MLLT1: variants seen among roughly 807,000 people sequenced by gnomAD.
MLLT1 encodes protein ENL.
MLLT1 carries 11 observed loss-of-function variants against 55.1 expected under a neutral mutation model. That is an observed-to-expected ratio of 0.20 (90% CI 0.13 to 0.33). MLLT1 has a LOEUF of 0.33. Among genes scored for constraint, MLLT1 ranks in the 10% least tolerant of loss-of-function variants. MLLT1 has a pLI of 1.00. For synonymous variants in MLLT1, 323 were observed against 320.1 expected, an observed-to-expected ratio of 1.01 and a Z score of -0.10; for missense variants, 536 against 760.6, an observed-to-expected ratio of 0.70 and a Z score of 3.47.
At chr19:6,236,576 A>AAGCACCCTGCGGCC (rs2091063178) in intron 3 of MLLT1, among the ~76,000 whole-genome samples, 1 of 152,138 alleles carries the variant, frequency 6.6e-6, no homozygotes, top group African/African-American at 2.4e-5. Flanking sequence ...TCACGCCCCG[A>AAGCACCCTGCGGCC]AGCACCCTGC....
rs1268762067 is a variant in MLLT1 at position 6,226,410 on chromosome 19, C to T, written c.546+567G>A. On this transcript the variant is annotated intron_variant, in intron 5 of 11. Transcript: ENST00000252674. This position sits in a 1 kb window ranked among gnomAD's most constrained non-coding sequence, Gnocchi z 6.3. Reference sequence around the variant, plus strand: ...TTAGAGAGAGAAGCCTCAGAAAGGCCGAGTGCCACCCACCTGACCGACTGG... The same window carrying T: ...TTAGAGAGAGAAGCCTCAGAAAGGCTGAGTGCCACCCACCTGACCGACTGG... Among the ~76,000 whole-genome samples the T allele has an allele frequency of 2.0e-5, 3 of 152,154 alleles. No individual in the cohort carries two copies. Among genetic ancestry groups the T allele is most frequent in the African/African-American group, 4.8e-5 (2 of 41,438 alleles).
chr19:6,258,166 C>G (rs1232934880), intron 3 of MLLT1, among the ~76,000 whole-genome samples: 1 of 152,168 alleles, frequency 6.6e-6, no homozygotes, highest in Non-Finnish European at 1.5e-5. Flanking sequence ...AAAACGGGCA[C>G]TCAAACAAGT....
rs753838099 is a variant in MLLT1, at chr19:6,222,325, C to G, written c.906G>C (p.Lys302Asn). The change falls in exon 6 of 12, where the codon AAG (lysine) becomes AAC (asparagine). Residue 302 changes from lysine to asparagine, a missense_variant. Transcript: ENST00000252674. This position sits in a 1 kb window ranked among gnomAD's most constrained non-coding sequence, Gnocchi z 4.1. The stretch of plus-strand genomic sequence containing the variant: ...CACTCCGGGACCCCTTCGAGCTGCT[C>G]TTCTTCTGCTTCTTGGCGCTGGGCT... ...SPKPSAKKQK[K>N]SSSKGSRSAP... The G allele has an allele frequency of 1.9e-6, 3 of 1,563,292 alleles. No homozygotes were observed. The highest frequency in any genetic ancestry group is 1.4e-5 in the African/African-American group (1 of 71,128).
chr19:6,251,958 G>GA (rs2091219014), intron 3 of MLLT1, among the ~76,000 whole-genome samples: 1 of 151,806 alleles, frequency 6.6e-6, no homozygotes, highest in African/African-American at 2.4e-5. Context: ...CCACCACAAA[G>GA]AAAAAAGAAA....
rs1568271948 is a variant in MLLT1, at chr19:6,212,364, C to CAAA, written c.*677_*678insTTT. The CAAA allele has an allele frequency of 1.9e-6, 2 of 1,066,098 alleles. No homozygotes were observed. Among genetic ancestry groups the CAAA allele is most frequent in the African/African-American group, 3.3e-5 (2 of 61,046 alleles). 66.0% of individuals were successfully genotyped at this position (1,066,098 alleles called of 1,614,324 possible). The stretch of plus-strand genomic sequence containing the variant: ...CCGTGCCTGGCTCGGCCTCCAGCCC[C>CAAA]ACACCACCGCAGAGACATCTTAACC... On this transcript the variant is annotated 3_prime_UTR_variant, in exon 12 of 12. Transcript: ENST00000252674.
intron 6 of MLLT1, among the ~76,000 whole-genome samples, chr19:6,218,306 C>T (rs1406316067): frequency 6.6e-6 from 1 of 152,234 alleles, no homozygotes; most frequent in East Asian, 1.9e-4. Context: ...CCGTGTGGAC[C>T]ACGTGGGCTC....
intron 2 of MLLT1, among the ~76,000 whole-genome samples, chr19:6,265,072 A>AAAAAAAAAAAAAAAAAAAAAAAC (rs2091338569): frequency 6.9e-6 from 1 of 145,324 alleles, no homozygotes; most frequent in African/African-American, 2.5e-5. Context: ...AAACAAAAAA[A>AAAAAAAAAAAAAAAAAAAAAAAC]AACATGATGT....
At chr19:6,269,569 G>T (rs2091378189) in intron 2 of MLLT1, among the ~76,000 whole-genome samples, 1 of 152,220 alleles carries the variant, frequency 6.6e-6, no homozygotes, top group Non-Finnish European at 1.5e-5. Context: ...CTCTACTGCT[G>T]TCAACGCCCA....
chr19:6,242,695 A>AG (rs897895119), intron 3 of MLLT1, among the ~76,000 whole-genome samples: 2 of 152,206 alleles, frequency 1.3e-5, no homozygotes, highest in Non-Finnish European at 2.9e-5. Flanking sequence ...ATCTGGCGTC[A>AG]GGGGCAGGGC....
chr19:6,279,311 G>C (rs1199640421), intron 1 of MLLT1, among the ~76,000 whole-genome samples: 1 of 152,198 alleles, frequency 6.6e-6, no homozygotes, highest in Non-Finnish European at 1.5e-5. Flanking sequence ...AGACGGAAAG[G>C]TCTACTGGGC....
At chr19:6,232,389 G>A (rs568739424) in intron 3 of MLLT1, among the ~76,000 whole-genome samples, 9 of 152,256 alleles carry the variant, frequency 5.9e-5, no homozygotes, top group Non-Finnish European at 1.0e-4. Flanking sequence ...ATACCCACCC[G>A]GGGGAGAATG....
At chr19:6,234,655 C>A (rs144868650) in intron 3 of MLLT1, among the ~76,000 whole-genome samples, 1 of 152,226 alleles carries the variant, frequency 6.6e-6, no homozygotes, top group South Asian at 2.1e-4. Context: ...CAGATTCAGG[C>A]CCCCAAGACA....
intron 3 of MLLT1, among the ~76,000 whole-genome samples, chr19:6,260,608 A>G (rs1490042292): frequency 2.6e-5 from 4 of 152,238 alleles, no homozygotes; most frequent in African/African-American, 9.6e-5. Flanking sequence ...TGAGGGCACT[A>G]GGAAGTAGAA....
Position 6,212,424 on chromosome 19 carries a change from C to T in MLLT1, c.*618G>A, listed in dbSNP as rs1201855362. On this transcript the variant is annotated 3_prime_UTR_variant, in exon 12 of 12. Coordinates refer to ENST00000252674, the MANE Select transcript of MLLT1 (RefSeq NM_005934.4). The stretch of plus-strand genomic sequence containing the variant: ...CACCGTACGCACCCCCCACCCACCC[C>T]ACGTGCACTGCTGCCACAGAAACGC... 26 of 1,066,506 alleles carry T rather than the reference C, an allele frequency of 2.4e-5. No individual in the cohort carries two copies. The East Asian group carries it at 1.0e-3, about 43-fold the overall frequency. 66.1% of individuals were successfully genotyped at this position (1,066,506 alleles called of 1,614,324 possible). A position where few individuals can be genotyped will look rare whatever the true frequency, so the allele number is the denominator to read the frequency against.
At chr19:6,260,477 A>G (rs1402956887) in intron 3 of MLLT1, among the ~76,000 whole-genome samples, 2 of 152,216 alleles carry the variant, frequency 1.3e-5, no homozygotes, top group Non-Finnish European at 2.9e-5. Flanking sequence ...TCTCGCCTGA[A>G]GTTGCCCCTA....
At chr19:6,269,977 G>A (rs959279455) in intron 2 of MLLT1, among the ~76,000 whole-genome samples, 5 of 151,988 alleles carry the variant, frequency 3.3e-5, no homozygotes, top group Non-Finnish European at 7.4e-5. Context: ...CTTTCCCTAG[G>A]GCTCACTTCC....
chr19:6,253,081 G>A (rs980240044), intron 3 of MLLT1, among the ~76,000 whole-genome samples: 6 of 151,552 alleles, frequency 4.0e-5, no homozygotes, highest in African/African-American at 1.5e-4. Flanking sequence ...GGCTAACATG[G>A]TGAAACCCTG....
chr19:6,224,855 G>A (rs1050078711), intron 5 of MLLT1, among the ~76,000 whole-genome samples: 5 of 152,198 alleles, frequency 3.3e-5, no homozygotes, highest in East Asian at 3.9e-4. Flanking sequence ...TCAGCCTCCC[G>A]AGTAGCTGGG....
intron 3 of MLLT1, chr19:6,259,254 C>T (rs533372498): frequency 1.3e-5 from 2 of 152,312 alleles, no homozygotes; most frequent in Non-Finnish European, 2.9e-5. Context: ...GGCTAACCAC[C>T]AAACGCGAGC....
Sources: gnomAD v4.1 joint callset for allele counts (sites outside exome capture counted in the v4.1 genomes callset) on GRCh38, gnomAD v4.1.1 for gene constraint, Gnocchi (gnomAD v3.1) non-coding constraint, MANE v1.5 for transcripts, NCBI Gene and HGNC (gene_info 2026-07-23, HGNC 2026-07-21) for gene names.